Variants in AK5 observed in about 807,000 individuals in gnomAD.
AK5 encodes the protein adenylate kinase isoenzyme 5.
Under a neutral mutation model 69.5 loss-of-function variants are expected in AK5, and 27 were observed. That is an observed-to-expected ratio of 0.39 (90% CI 0.29 to 0.54). The LOEUF (loss-of-function observed/expected upper bound fraction) is 0.54, where lower values mean the gene tolerates loss of function less well. AK5 is among the 20% of genes least tolerant of loss of function. The probability of loss-of-function intolerance (pLI) is 0.71; values close to 1 mark genes in which losing one functional copy is unlikely to be tolerated. For synonymous variants in AK5, 260 were observed against 244.4 expected (o/e 1.06, Z -0.60); for missense variants, 531 against 700.4 (o/e 0.76, Z 2.73).
intron 8 of AK5, among the ~76,000 whole-genome samples, chr1:77,477,748 A>C (rs189536229): frequency 5.3e-5 from 8 of 152,290 alleles, no homozygotes; most frequent in African/African-American, 1.9e-4. Context: ...ATTTTAGAGC[A>C]AGAAATTAAT....
intron 5 of AK5, among the ~76,000 whole-genome samples, chr1:77,303,459 A>G (rs537319973): frequency 6.6e-6 from 1 of 152,356 alleles, no homozygotes; most frequent in South Asian, 2.1e-4. Flanking sequence ...CAAAACTTAA[A>G]AAGTGTTGAG....
intron 6 of AK5, among the ~76,000 whole-genome samples, chr1:77,398,336 G>T (rs370285372): frequency 6.6e-6 from 1 of 152,062 alleles, no homozygotes; most frequent in Non-Finnish European, 1.5e-5. Context: ...GGAGACACTC[G>T]AGCATTAAAG....
intron 5 of AK5, 43 bp from the exon 6 acceptor site, chr1:77,340,334 T>C (rs1253278480): frequency 5.8e-6 from 9 of 1,552,510 alleles, no homozygotes; most frequent in Non-Finnish European, 7.1e-6. Flanking sequence ...CATGCATTAG[T>C]TGGTATGTTG....
At chr1:77,375,589 G>A (rs940566326) in intron 6 of AK5, among the ~76,000 whole-genome samples, 1 of 152,102 alleles carries the variant, frequency 6.6e-6, no homozygotes. Context: ...TGTTTTGATG[G>A]ACTGGATCTT....
intron 6 of AK5, chr1:77,346,212 C>T (rs1256550848): frequency 6.6e-6 from 1 of 152,096 alleles, no homozygotes; most frequent in Non-Finnish European, 1.5e-5. Flanking sequence ...TGGACCATGC[C>T]CTTCAAACCC....
intron 13 of AK5, among the ~76,000 whole-genome samples, chr1:77,554,668 C>G (rs747020379): frequency 1.3e-5 from 2 of 152,050 alleles, no homozygotes; most frequent in Non-Finnish European, 2.9e-5. Flanking sequence ...TGCAGTGGCG[C>G]GATCTCAGCT....
At chr1:77,488,601 A>C (rs1655752519) in intron 10 of AK5, among the ~76,000 whole-genome samples, 1 of 152,204 alleles carries the variant, frequency 6.6e-6, no homozygotes, top group Non-Finnish European at 1.5e-5. Context: ...GTCCCACAAC[A>C]GGCTGTCTGC....
At position 77,552,056 on chromosome 1, in the gene AK5, T is replaced by G. The variant is rs138251854; in HGVS notation, c.1621-6546T>G. Among the ~76,000 whole-genome samples, 9 of 152,292 alleles carry G rather than the reference T, an allele frequency of 5.9e-5. No individual in the cohort carries two copies. In the East Asian group the frequency reaches 1.7e-3, roughly 29 times the overall value. On this transcript the variant is annotated intron_variant, in intron 13 of 13. Transcript: ENST00000354567. ...ACCCAGTTTTAGCAAAGAACTCTGC[T>G]AAATCACTTTAGCAAGATCCCCTAC... is the stretch of plus-strand genomic sequence containing the variant.
chr1:77,522,346 C>T (rs1184803004), intron 12 of AK5, among the ~76,000 whole-genome samples: 1 of 152,154 alleles, frequency 6.6e-6, no homozygotes, highest in East Asian at 1.9e-4. Flanking sequence ...TGGATTTGGT[C>T]ACAGTCCCAT....
chr1:77,288,632 C>T (rs1316820712), intron 2 of AK5, among the ~76,000 whole-genome samples: 1 of 151,998 alleles, frequency 6.6e-6, no homozygotes, highest in African/African-American at 2.4e-5. Flanking sequence ...GAAAAGAGTC[C>T]TTCACCATTC....
intron 6 of AK5, among the ~76,000 whole-genome samples, chr1:77,368,260 A>AAT (rs1647048033): frequency 9.5e-6 from 1 of 105,604 alleles, no homozygotes; most frequent in Non-Finnish European, 1.9e-5. Flanking sequence ...TATAATATAT[A>AAT]TGTTATATAT....
At chr1:77,442,352 T>A (rs542759870) in intron 8 of AK5, among the ~76,000 whole-genome samples, 1 of 152,262 alleles carries the variant, frequency 6.6e-6, no homozygotes, top group African/African-American at 2.4e-5. Flanking sequence ...GCTCCTTCTC[T>A]AGAGGGAAGA....
rs1651137064 is a variant in AK5, at chr1:77,425,447, TA to T, written c.1059+7733del. 2.0e-5 allele frequency among the ~76,000 whole-genome samples: 3 copies of T among 151,562 alleles called. No homozygotes were observed. In the South Asian group the frequency reaches 6.3e-4, roughly 32 times the overall value. Reference sequence around the variant, plus strand: ...CTAAAAATCCAAAAAATTGGCCGGGTATGGTGGCACACGCCTGTAGTCCCAG... The same window carrying T: ...CTAAAAATCCAAAAAATTGGCCGGGTTGGTGGCACACGCCTGTAGTCCCAG... On this transcript the variant is annotated intron_variant, in intron 8 of 13. Transcript: ENST00000354567.
At chr1:77,417,607 C>T in intron 7 of AK5, 32 bp from the exon 8 acceptor site, 1 of 1,379,952 alleles carries the variant, frequency 7.2e-7, no homozygotes, top group South Asian at 1.2e-5. Context: ...TAGACAACCT[C>T]CATCCACTTA....
chr1:77,366,818 C>T (rs968741009), intron 6 of AK5, among the ~76,000 whole-genome samples: 8 of 151,856 alleles, frequency 5.3e-5, no homozygotes, highest in Admixed American at 3.3e-4. Flanking sequence ...AGGTTGTCAC[C>T]GGGCTACAAT....
At chr1:77,521,424 G>A (rs1188814304) in intron 11 of AK5, among the ~76,000 whole-genome samples, 1 of 152,106 alleles carries the variant, frequency 6.6e-6, no homozygotes. Flanking sequence ...ATGAGCCACC[G>A]CACCCGGCCA....
At chr1:77,376,434 AAAAAAAAAAAAAAAAAC>A (rs1469141282) in intron 6 of AK5, among the ~76,000 whole-genome samples, 5 of 21,902 alleles carry the variant, frequency 2.3e-4, no homozygotes, top group Non-Finnish European at 6.0e-4. Flanking sequence ...ACTCAATGCC[AAAAAAAAAAAAAAAAAC>A]AAAAAAAAAA....
At chr1:77,329,275 T>A (rs372678485) in intron 5 of AK5, among the ~76,000 whole-genome samples, 2 of 152,124 alleles carry the variant, frequency 1.3e-5, no homozygotes, top group South Asian at 4.2e-4. Context: ...GTTGTTATTA[T>A]TTTACTTTTA....
intron 2 of AK5, among the ~76,000 whole-genome samples, chr1:77,287,364 C>T (rs2100641937): frequency 6.6e-6 from 1 of 152,264 alleles, no homozygotes. Context: ...TTATTACTGA[C>T]TTTATTATTT....
Sources: allele counts gnomAD v4.1 joint callset (sites outside exome capture counted in the v4.1 genomes callset), GRCh38; gene constraint gnomAD v4.1.1; transcripts MANE v1.5; gene names NCBI Gene and HGNC (gene_info 2026-07-23, HGNC 2026-07-21).